The following USP10 variants were observed in gnomAD, a reference collection of about 807,000 sequenced individuals.
USP10 encodes the protein ubiquitin carboxyl-terminal hydrolase 10.
A neutral mutation model predicts 84.5 loss-of-function variants in USP10; 22 were observed. The ratio of observed to expected loss-of-function variants is 0.26; its 90% CI spans 0.19 to 0.37. USP10 has a LOEUF of 0.37. Ranked by LOEUF, USP10 falls within the 10% of genes least tolerant of loss-of-function variation. The probability of loss-of-function intolerance (pLI) is 1.00; values close to 1 mark genes in which losing one functional copy is unlikely to be tolerated. For synonymous variants in USP10, 454 were observed against 387.6 expected, an observed-to-expected ratio of 1.17 and a Z score of -2.01; for missense variants, 1,019 against 998.9, an observed-to-expected ratio of 1.02 and a Z score of -0.27.
chr16:84,723,098 G>A (rs961130964), intron 1 of USP10, among the ~76,000 whole-genome samples: 1 of 151,412 alleles, frequency 6.6e-6, no homozygotes, highest in Admixed American at 6.6e-5. Context: ...GAATAAAGTC[G>A]ATTTTAAAAG....
intron 2 of USP10, among the ~76,000 whole-genome samples, chr16:84,739,873 C>G (rs1910420481): frequency 6.6e-6 from 1 of 152,214 alleles, no homozygotes; most frequent in African/African-American, 2.4e-5. Context: ...GTCCCAGCCT[C>G]TACTGGCTGT....
chr16:84,702,451 G>A (rs1409892836), intron 1 of USP10, among the ~76,000 whole-genome samples: 1 of 152,150 alleles, frequency 6.6e-6, no homozygotes, highest in Admixed American at 6.5e-5. Flanking sequence ...TCCTGCTCCA[G>A]TCATTCTGAG....
intron 4 of USP10, among the ~76,000 whole-genome samples, chr16:84,757,967 A>G (rs1191636306): frequency 2.6e-5 from 4 of 152,240 alleles, no homozygotes; most frequent in South Asian, 4.1e-4. Context: ...TAGAAGATTC[A>G]TAGTGGGACA....
chr16:84,754,508 G>T (rs565710539), intron 4 of USP10, among the ~76,000 whole-genome samples: 3 of 152,326 alleles, frequency 2.0e-5, no homozygotes, highest in African/African-American at 7.2e-5. Context: ...TGCTGTTGCA[G>T]AGGTTGTGCT....
intron 1 of USP10, among the ~76,000 whole-genome samples, chr16:84,730,976 CTTTTT>C (rs11401851): frequency 9.5e-6 from 1 of 105,064 alleles, no homozygotes; most frequent in African/African-American, 3.5e-5. Flanking sequence ...GCATTTCTAC[CTTTTT>C]TTTTTTTTTT....
rs766493296 is a variant in USP10 at position 84,745,177 on chromosome 16, C to G, written c.696C>G (p.Leu232=). Residue 232 remains leucine (L), a synonymous_variant, in exon 4 of 14, where the codon CTC becomes CTG. Coordinates refer to ENST00000219473, the MANE Select transcript of USP10 (RefSeq NM_005153.3). ...CTGACAGTCCTTTCCCCGGAGCACT[C>G]GGCAGTGACACCAGGACTGCAGGGC... ...IVPDSPFPGA[L]GSDTRTAGQP... 12 of 1,613,172 alleles carry G rather than the reference C, an allele frequency of 7.4e-6. No homozygotes were observed. The highest frequency in any genetic ancestry group is 1.0e-5 in the Non-Finnish European group (12 of 1,179,636).
chr16:84,721,841 G>C (rs1234183586), intron 1 of USP10, among the ~76,000 whole-genome samples: 1 of 152,228 alleles, frequency 6.6e-6, no homozygotes, highest in African/African-American at 2.4e-5. Context: ...GGGACTACAG[G>C]CACACGCCGC....
intron 3 of USP10, 96 bp downstream of exon 3, chr16:84,740,465 C>T (rs1384347952): frequency 5.8e-6 from 6 of 1,035,730 alleles, no homozygotes; most frequent in Non-Finnish European, 8.7e-6. Context: ...TTTGAATAAA[C>T]ATTTCTTTGT....
chr16:84,746,510 T>G (rs1259132706), intron 4 of USP10, among the ~76,000 whole-genome samples: 1 of 152,224 alleles, frequency 6.6e-6, no homozygotes, highest in African/African-American at 2.4e-5. Context: ...CTGTAGGCAG[T>G]TGTAACACAG....
chr16:84,744,058 G>C (rs191900017), intron 3 of USP10, among the ~76,000 whole-genome samples: 2 of 151,618 alleles, frequency 1.3e-5, no homozygotes, highest in Admixed American at 1.3e-4. Flanking sequence ...TGTTGTTGTT[G>C]TTGTTGTTGT....
intron 3 of USP10, among the ~76,000 whole-genome samples, chr16:84,742,643 A>T (rs2150818232): frequency 6.6e-6 from 1 of 152,314 alleles, no homozygotes; most frequent in Non-Finnish European, 1.5e-5. Context: ...TGTTGAAGCC[A>T]AGCGTGCAGG....
intron 6 of USP10, 152 bp from the exon 7 acceptor site, chr16:84,759,739 G>C (rs1912982362): frequency 2.5e-6 from 2 of 800,690 alleles, no homozygotes; most frequent in Non-Finnish European, 4.0e-6. Flanking sequence ...AATGCATATA[G>C]AAGAGACTTG....
chr16:84,704,702 A>G (rs1308974896), intron 1 of USP10: 3 of 1,485,660 alleles, frequency 2.0e-6, no homozygotes, highest in South Asian at 2.6e-5. Flanking sequence ...CAGATCCTAG[A>G]TTTTTTCTGA....
At chr16:84,707,543 G>T (rs8045120) in intron 1 of USP10, among the ~76,000 whole-genome samples, 41,752 of 151,960 alleles carry the variant, frequency 0.27, 6,740 homozygotes, top group Non-Finnish European at 0.38. Context: ...TTGTTGTTCC[G>T]TTGTTTCATA....
intron 1 of USP10, among the ~76,000 whole-genome samples, chr16:84,706,423 C>T (rs541737870): frequency 1.3e-5 from 2 of 151,344 alleles, no homozygotes; most frequent in South Asian, 2.1e-4. Context: ...TACCCCTTCT[C>T]TTGGTATTTT....
At chr16:84,750,846 T>C (rs904514918) in intron 4 of USP10, among the ~76,000 whole-genome samples, 1 of 152,194 alleles carries the variant, frequency 6.6e-6, no homozygotes, top group Non-Finnish European at 1.5e-5. Context: ...TCTGAAAACA[T>C]TGCGTTGAGG....
At chr16:84,705,371 A>T (rs1905347151) in intron 1 of USP10, among the ~76,000 whole-genome samples, 2 of 152,076 alleles carry the variant, frequency 1.3e-5, no homozygotes, top group Non-Finnish European at 2.9e-5. Flanking sequence ...AGCTGGGACT[A>T]CAGGCACCCG....
intron 1 of USP10, among the ~76,000 whole-genome samples, chr16:84,728,548 C>T (rs997894879): frequency 1.3e-5 from 2 of 152,154 alleles, no homozygotes; most frequent in South Asian, 4.2e-4. Context: ...CCAGGATGGT[C>T]TCAATCTCCT....
chr16:84,737,544 C>A (rs1320179248), intron 2 of USP10, among the ~76,000 whole-genome samples: 2 of 152,216 alleles, frequency 1.3e-5, no homozygotes. Context: ...GTGCCACAAC[C>A]CATCTGGCAT....
Sources: gnomAD v4.1 joint callset for allele counts (sites outside exome capture counted in the v4.1 genomes callset) on GRCh38, gnomAD v4.1.1 for gene constraint, MANE v1.5 for transcripts, NCBI Gene and HGNC (gene_info 2026-07-23, HGNC 2026-07-21) for gene names.